The following ARSB variants were observed in gnomAD, a reference collection of about 807,000 sequenced individuals.
ARSB encodes the protein N-acetylgalactosamine-4-sulfatase.
ARSB carries 41 observed loss-of-function variants against 50.9 expected under a neutral mutation model. The ratio of observed to expected loss-of-function variants is 0.81; its 90% CI spans 0.63 to 1.04. ARSB has a LOEUF of 1.04. Ranked by LOEUF, ARSB falls within the 50% of genes least tolerant of loss-of-function variation. The pLI, the probability that ARSB is intolerant of heterozygous loss-of-function variation, is 0.00. For synonymous variants in ARSB, 269 were observed against 284.8 expected (o/e 0.94, Z 0.56); for missense variants, 672 against 693.3 (o/e 0.97, Z 0.35).
intron 4 of ARSB, among the ~76,000 whole-genome samples, chr5:78,919,917 A>C (rs1749721183): frequency 6.6e-6 from 1 of 152,230 alleles, no homozygotes. Flanking sequence ...CTTTCCAATA[A>C]GGCAAACACA....
chr5:78,897,404 G>A (rs1350267651), intron 4 of ARSB, among the ~76,000 whole-genome samples: 1 of 152,192 alleles, frequency 6.6e-6, no homozygotes, highest in Non-Finnish European at 1.5e-5. Flanking sequence ...TATGGCCAGA[G>A]ATAGGTAGTG....
intron 4 of ARSB, among the ~76,000 whole-genome samples, chr5:78,908,789 T>C (rs931795229): frequency 5.4e-5 from 8 of 149,438 alleles, no homozygotes; most frequent in African/African-American, 2.0e-4. Context: ...GACTTATGAA[T>C]CCAGCAAGGC....
At chr5:78,889,152 G>A (rs534637078) in intron 4 of ARSB, among the ~76,000 whole-genome samples, 2 of 152,202 alleles carry the variant, frequency 1.3e-5, no homozygotes, top group Non-Finnish European at 2.9e-5. Context: ...ATAAGTTCTA[G>A]TTCAGTCTCC....
intron 5 of ARSB, among the ~76,000 whole-genome samples, chr5:78,852,751 C>T (rs1206470232): frequency 6.6e-6 from 1 of 151,850 alleles, no homozygotes; most frequent in Non-Finnish European, 1.5e-5. Flanking sequence ...AGGCTTTGTT[C>T]GTTTCTTTTT....
intron 5 of ARSB, among the ~76,000 whole-genome samples, chr5:78,854,080 C>T (rs1746013672): frequency 6.6e-6 from 1 of 152,256 alleles, no homozygotes; most frequent in Admixed American, 6.5e-5. Flanking sequence ...CCTGTGCCCA[C>T]TGTCTTGCAC....
At chr5:78,974,585 T>C (rs1269271711) in intron 1 of ARSB, among the ~76,000 whole-genome samples, 1 of 152,170 alleles carries the variant, frequency 6.6e-6, no homozygotes, top group Non-Finnish European at 1.5e-5. Flanking sequence ...ATGCTCAAAG[T>C]GATTCCTGAA....
At chr5:78,920,918 A>G (rs1749783174) in intron 4 of ARSB, among the ~76,000 whole-genome samples, 1 of 152,034 alleles carries the variant, frequency 6.6e-6, no homozygotes, top group African/African-American at 2.4e-5. Flanking sequence ...ATGCTATCAG[A>G]CTATACTACT....
At chr5:78,980,049 G>C (rs1385676419) in intron 1 of ARSB, among the ~76,000 whole-genome samples, 1 of 152,204 alleles carries the variant, frequency 6.6e-6, no homozygotes, top group East Asian at 1.9e-4. Flanking sequence ...AATAGGTAAA[G>C]TCACATAGAT....
chr5:78,933,618 C>T (rs549167207), intron 4 of ARSB, among the ~76,000 whole-genome samples: 41 of 152,142 alleles, frequency 2.7e-4, no homozygotes, highest in African/African-American at 8.4e-4. Flanking sequence ...CGAGCATTTG[C>T]ATGTGTGGTG....
At chr5:78,922,326 A>G (rs1274314709) in intron 4 of ARSB, among the ~76,000 whole-genome samples, 1 of 151,922 alleles carries the variant, frequency 6.6e-6, no homozygotes, top group African/African-American at 2.4e-5. Context: ...ATGACTAAAG[A>G]GGCCTCTGTC....
chr5:78,893,089 G>A (rs1337670140), intron 4 of ARSB, among the ~76,000 whole-genome samples: 2 of 151,748 alleles, frequency 1.3e-5, no homozygotes, highest in African/African-American at 2.4e-5. Context: ...CTGTTCTCGT[G>A]GTAGTGAACA....
intron 6 of ARSB, among the ~76,000 whole-genome samples, chr5:78,792,306 G>A (rs1470849486): frequency 6.6e-6 from 1 of 151,768 alleles, no homozygotes; most frequent in Non-Finnish European, 1.5e-5. Context: ...TTGAACCCAG[G>A]AGGTGGAGGT....
chr5:78,839,843 C>A (rs1191575807), intron 5 of ARSB, among the ~76,000 whole-genome samples: 1 of 152,168 alleles, frequency 6.6e-6, no homozygotes, highest in Non-Finnish European at 1.5e-5. Flanking sequence ...ATGCAACATG[C>A]CTCTTAAAGA....
chr5:78,894,185 G>C (rs868838118), intron 4 of ARSB, among the ~76,000 whole-genome samples: 3 of 152,204 alleles, frequency 2.0e-5, no homozygotes, highest in Non-Finnish European at 4.4e-5. Flanking sequence ...CAACACACAG[G>C]AACAAACAGA....
chr5:78,903,853 T>A (rs337862), intron 4 of ARSB, among the ~76,000 whole-genome samples: 91,630 of 152,072 alleles, frequency 0.6, 28,917 homozygotes, highest in East Asian at 0.98. Flanking sequence ...TGGTGATTTC[T>A]TTTTAATTTA....
intron 6 of ARSB, among the ~76,000 whole-genome samples, chr5:78,795,342 C>A (rs1743138781): frequency 1.3e-5 from 2 of 152,100 alleles, no homozygotes. Context: ...CTGCTGGATG[C>A]CCCCATGTGG....
chr5:78,904,089 C>T (rs963623652), intron 4 of ARSB, among the ~76,000 whole-genome samples: 1 of 152,014 alleles, frequency 6.6e-6, no homozygotes, highest in Non-Finnish European at 1.5e-5. Flanking sequence ...ATAAAAAAAT[C>T]ATAGTGTGTG....
chr5:78,823,957 G>T (rs901847357), intron 6 of ARSB, among the ~76,000 whole-genome samples: 2 of 152,106 alleles, frequency 1.3e-5, no homozygotes, highest in Admixed American at 6.5e-5. Flanking sequence ...AATGTTGGAG[G>T]GGGGGCACAG....
chr5:78,917,080 T>C (rs1170966370), intron 4 of ARSB, among the ~76,000 whole-genome samples: 2 of 152,150 alleles, frequency 1.3e-5, no homozygotes, highest in Non-Finnish European at 1.5e-5. Flanking sequence ...GTGCAGAAGA[T>C]AGAGGAGTTG....
Sources: gnomAD v4.1 joint callset for allele counts (sites outside exome capture counted in the v4.1 genomes callset) on GRCh38, gnomAD v4.1.1 for gene constraint, MANE v1.5 for transcripts, NCBI Gene and HGNC (gene_info 2026-07-23, HGNC 2026-07-21) for gene names.